TANC2: variants seen among roughly 807,000 people sequenced by gnomAD.
TANC2 encodes protein TANC2.
In TANC2, 26 loss-of-function variants were observed where a neutral mutation model predicts 210.5. The observed-to-expected ratio is 0.12, with a 90% CI of 0.09 to 0.17. The LOEUF (loss-of-function observed/expected upper bound fraction) is 0.17, where lower values mean the gene tolerates loss of function less well. Ranked by LOEUF, TANC2 falls within the 10% of genes least tolerant of loss-of-function variation. TANC2 has a pLI of 1.00. For synonymous variants in TANC2, 931 were observed against 967.1 expected (o/e 0.96, Z 0.69); for missense variants, 2,129 against 2,608.9 (o/e 0.82, Z 4.01).
chr17:63,155,058 C>T (rs2039787675), intron 5 of TANC2: 1 of 151,998 alleles, frequency 6.6e-6, no homozygotes, highest in Non-Finnish European at 1.5e-5. Context: ...GAGATTATAT[C>T]TGGTTGGTGG....
rs191037545 is a variant in TANC2, at chr17:63,354,095, G to T, written c.1975-688G>T. Among the ~76,000 whole-genome samples, 10 of 152,204 alleles carry T rather than the reference G, an allele frequency of 6.6e-5. No individual in the cohort carries two copies. The East Asian group carries it at 1.7e-3, about 26-fold the overall frequency. On this transcript the variant is annotated intron_variant, in intron 13 of 27. Transcript: ENST00000689528. ...GCTGAGAAGAAACAGATGCAGGAGA[G>T]GGAATGGGTACTCACAGGAGCAAAG...
chr17:63,421,924 CAA>C lies in TANC2; in HGVS notation c.6196_6197del (p.Lys2066GlufsTer7), dbSNP rs746380897. The C allele has an allele frequency of 6.2e-7, 1 of 1,612,702 alleles. No individual in the cohort carries two copies. The highest frequency in any genetic ancestry group is 8.5e-7 in the Non-Finnish European group (1 of 1,179,178). On this transcript the variant is annotated frameshift_variant, in exon 28 of 28. Transcript: ENST00000689528. LOFTEE classifies it high-confidence loss of function. The surrounding 1 kb of genome is among the most constrained non-coding windows in gnomAD (Gnocchi z 6.9). ...CAAGGGCAGACATCCCCTATCAAAC[CAA>C]AGAGACCGTTCGTGGAGTCTAATGT...
intron 11 of TANC2, among the ~76,000 whole-genome samples, chr17:63,337,830 T>C (rs2046087714): frequency 6.6e-6 from 1 of 152,212 alleles, no homozygotes; most frequent in African/African-American, 2.4e-5. Flanking sequence ...CTATGTGTTC[T>C]CATCTTTTAG....
At chr17:63,148,755 A>G (rs2039546765) in intron 4 of TANC2, 1 of 152,158 alleles carries the variant, frequency 6.6e-6, no homozygotes, top group Non-Finnish European at 1.5e-5. Flanking sequence ...TACTCACATG[A>G]ATCATCTTAT....
At chr17:63,422,306 CT>C in exon 28 of TANC2, 1 of 195,140 alleles carries the variant, frequency 5.1e-6, no homozygotes, top group Non-Finnish European at 1.1e-5. Flanking sequence ...GTGTAATTGT[CT>C]TTTTCCTTTT....
intron 2 of TANC2, among the ~76,000 whole-genome samples, chr17:63,058,045 C>T (rs1383839272): frequency 6.6e-6 from 1 of 152,168 alleles, no homozygotes; most frequent in African/African-American, 2.4e-5. Context: ...AATACACTCC[C>T]ACCAACAGTG....
chr17:63,330,006 G>T (rs1475843074), intron 11 of TANC2, among the ~76,000 whole-genome samples: 1 of 152,204 alleles, frequency 6.6e-6, no homozygotes, highest in African/African-American at 2.4e-5. Context: ...AAAAGTTCTT[G>T]AAGGAAATTA....
chr17:63,306,492 C>G (rs973047721), intron 9 of TANC2, among the ~76,000 whole-genome samples: 1 of 152,138 alleles, frequency 6.6e-6, no homozygotes, highest in Non-Finnish European at 1.5e-5. Flanking sequence ...TGTACTGATA[C>G]AGTGATGGTT....
chr17:62,997,364 A>G (rs924871001), intron 1 of TANC2, among the ~76,000 whole-genome samples: 1 of 152,160 alleles, frequency 6.6e-6, no homozygotes, highest in Non-Finnish European at 1.5e-5. Flanking sequence ...GGAAGTGTTT[A>G]TTAAATGCAT....
chr17:63,146,431 G>A (rs895269557), intron 4 of TANC2, among the ~76,000 whole-genome samples: 4 of 151,906 alleles, frequency 2.6e-5, no homozygotes, highest in African/African-American at 4.8e-5. Flanking sequence ...TACCACACTG[G>A]ACAATTAATG....
intron 19 of TANC2, among the ~76,000 whole-genome samples, chr17:63,402,592 G>A (rs1340259357): frequency 6.6e-6 from 1 of 152,160 alleles, no homozygotes; most frequent in Non-Finnish European, 1.5e-5. Flanking sequence ...TTTAGTGTCA[G>A]CATCCCATCC....
At chr17:63,051,528 T>C (rs1460593376) in intron 2 of TANC2, among the ~76,000 whole-genome samples, 1 of 152,212 alleles carries the variant, frequency 6.6e-6, no homozygotes, top group Non-Finnish European at 1.5e-5. Context: ...ATCTCACTTT[T>C]GGCTGCATAT....
intron 2 of TANC2, among the ~76,000 whole-genome samples, chr17:63,018,702 C>G (rs570872098): frequency 6.6e-6 from 1 of 152,020 alleles, no homozygotes; most frequent in African/African-American, 2.4e-5. Flanking sequence ...ATAACAGTAC[C>G]CCCTTCCCTC....
At chr17:63,382,173 A>G (rs770898506) in intron 15 of TANC2, among the ~76,000 whole-genome samples, 1 of 152,174 alleles carries the variant, frequency 6.6e-6, no homozygotes. Flanking sequence ...ATCCAAAGCT[A>G]TGTATTTCAG....
chr17:63,191,610 G>A (rs1205918005), intron 5 of TANC2, among the ~76,000 whole-genome samples: 4 of 151,702 alleles, frequency 2.6e-5, no homozygotes, highest in East Asian at 2.0e-4. Flanking sequence ...CCACAGGCGC[G>A]CGCCACCACA....
chr17:63,067,399 C>G (rs1465197625), intron 2 of TANC2, among the ~76,000 whole-genome samples: 2 of 152,072 alleles, frequency 1.3e-5, no homozygotes, highest in Non-Finnish European at 2.9e-5. Flanking sequence ...ATTGATGCCT[C>G]TCTTCTGAAG....
intron 8 of TANC2, among the ~76,000 whole-genome samples, chr17:63,238,920 T>C (rs930786947): frequency 6.6e-6 from 1 of 152,010 alleles, no homozygotes; most frequent in African/African-American, 2.4e-5. Context: ...GAGAATAGCA[T>C]GAGAGAACCA....
chr17:63,163,899 A>T (rs2040113856), intron 5 of TANC2, among the ~76,000 whole-genome samples: 1 of 152,208 alleles, frequency 6.6e-6, no homozygotes, highest in African/African-American at 2.4e-5. Flanking sequence ...TATGTAATAC[A>T]TGTTTGTTTT....
intron 7 of TANC2, among the ~76,000 whole-genome samples, chr17:63,219,192 A>C (rs986361447): frequency 6.6e-6 from 1 of 152,208 alleles, no homozygotes; most frequent in African/African-American, 2.4e-5. Flanking sequence ...AAATTGATCT[A>C]TTCCAGGGGT....
Sources: gnomAD v4.1 joint callset for allele counts (sites outside exome capture counted in the v4.1 genomes callset) on GRCh38, gnomAD v4.1.1 for gene constraint, Gnocchi (gnomAD v3.1) non-coding constraint, MANE v1.5 for transcripts, NCBI Gene and HGNC (gene_info 2026-07-23, HGNC 2026-07-21) for gene names.